Variants in STS observed in about 807,000 individuals in gnomAD.
STS encodes steroid sulfatase, also known as steryl-sulfatase.
STS carries 7 observed loss-of-function variants against 26.8 expected under a neutral mutation model. That is an observed-to-expected ratio of 0.26 (90% confidence interval 0.15 to 0.49). The LOEUF (loss-of-function observed/expected upper bound fraction) is 0.49, where lower values mean the gene tolerates loss of function less well. Among genes scored for constraint, STS ranks in the 20% least tolerant of loss-of-function variants. The pLI is 0.98. For synonymous variants in STS, 199 were observed against 189.4 expected (o/e 1.05, Z -0.42); for missense variants, 434 against 465.6 (o/e 0.93, Z 0.63).
chrX:7,308,889 C>T (rs1926345685), intron 8 of STS, among the ~76,000 whole-genome samples: 1 of 111,871 alleles, frequency 8.9e-6, no homozygotes, highest in Non-Finnish European at 1.9e-5. Context: ...CGAACACATA[C>T]CTGTGGTTTA....
At chrX:7,213,468 C>T (rs1378303008) in intron 2 of STS, among the ~76,000 whole-genome samples, 1 of 111,109 alleles carries the variant, frequency 9.0e-6, no homozygotes, top group Admixed American at 9.6e-5. Flanking sequence ...GTGGGAAAGG[C>T]AGGCAGGAGG....
Position 7,350,313 on chromosome X carries a change from A to T in STS, c.*52A>T. On this transcript the variant is annotated 3_prime_UTR_variant, in exon 11 of 11. Coordinates refer to ENST00000674429, the MANE Select transcript of STS (RefSeq NM_001320752.2). Reference sequence around the variant, plus strand: ...TGTGGCAAAGCTCACCATCTTCACTACAAACACGCCTGAGAGTGGCACTGG... The same window carrying T: ...TGTGGCAAAGCTCACCATCTTCACTTCAAACACGCCTGAGAGTGGCACTGG... The T allele has an allele frequency of 2.6e-6, 3 of 1,176,325 alleles. No homozygotes were observed. Among genetic ancestry groups the T allele is most frequent in the Non-Finnish European group, 3.4e-6 (3 of 877,950 alleles).
intron 1 of STS, among the ~76,000 whole-genome samples, chrX:7,181,046 C>G: frequency 8.9e-6 from 1 of 112,104 alleles, no homozygotes; most frequent in South Asian, 3.8e-4. Context: ...TTTTGGTAGG[C>G]AGGGCCGCTA....
At chrX:7,278,939 G>A (rs1021508367) in intron 7 of STS, among the ~76,000 whole-genome samples, 1 of 111,232 alleles carries the variant, frequency 9.0e-6, no homozygotes, top group East Asian at 2.8e-4. Flanking sequence ...ATACACAAGA[G>A]CCTTCATAAT....
intron 2 of STS, among the ~76,000 whole-genome samples, chrX:7,218,391 T>C (rs1324422168): frequency 1.8e-5 from 2 of 112,474 alleles, no homozygotes; most frequent in African/African-American, 6.5e-5. Context: ...ATCTGAAAAG[T>C]TGGCTTTTTT....
chrX:7,338,337 G>T (rs866362459), intron 10 of STS, among the ~76,000 whole-genome samples: 2 of 111,819 alleles, frequency 1.8e-5, no homozygotes, highest in Non-Finnish European at 3.8e-5. Flanking sequence ...CACATTAATG[G>T]AGAGTCCCCA....
At chrX:7,343,344 G>A (rs1281640068) in intron 10 of STS, among the ~76,000 whole-genome samples, 1 of 111,869 alleles carries the variant, frequency 8.9e-6, no homozygotes, top group Non-Finnish European at 1.9e-5. Context: ...AATGTCTTAC[G>A]ACATGTATTA....
At chrX:7,297,090 C>A (rs755426843) in intron 7 of STS, among the ~76,000 whole-genome samples, 87 of 111,839 alleles carry the variant, frequency 7.8e-4, no homozygotes, top group Non-Finnish European at 1.0e-3. Flanking sequence ...AGTTATGTGT[C>A]AAATTGTCTG....
intron 2 of STS, among the ~76,000 whole-genome samples, chrX:7,221,453 C>A: frequency 8.9e-6 from 1 of 112,147 alleles, no homozygotes; most frequent in Middle Eastern, 4.6e-3. Flanking sequence ...CTAGTTACAA[C>A]TTTTAGATGC....
intron 2 of STS, among the ~76,000 whole-genome samples, chrX:7,242,272 TTTA>T (rs1178470376): frequency 9.0e-6 from 1 of 110,636 alleles, no homozygotes; most frequent in Non-Finnish European, 1.9e-5. Flanking sequence ...TACATAACAT[TTTA>T]TTATTATTAA....
chrX:7,252,161 C>A, intron 2 of STS: 1 of 301,761 alleles, frequency 3.3e-6, no homozygotes, highest in Non-Finnish European at 4.4e-6. Context: ...TCTCCCCAGG[C>A]AGATGAGAAA....
intron 2 of STS, among the ~76,000 whole-genome samples, chrX:7,204,857 G>A (rs1385797405): frequency 1.0e-5 from 1 of 100,456 alleles, no homozygotes; most frequent in East Asian, 3.1e-4. Flanking sequence ...CTTCCTCTTT[G>A]CTTGCCTCCC....
At chrX:7,344,498 C>T (rs1294781809) in intron 10 of STS, among the ~76,000 whole-genome samples, 1 of 111,086 alleles carries the variant, frequency 9.0e-6, no homozygotes, top group East Asian at 2.9e-4. Flanking sequence ...TGTCAGGGAC[C>T]ACCCTGACAG....
intron 2 of STS, among the ~76,000 whole-genome samples, chrX:7,192,493 G>A (rs1415312040): frequency 1.8e-5 from 2 of 110,619 alleles, no homozygotes; most frequent in African/African-American, 6.6e-5. Context: ...GAACCCCGGG[G>A]GCAGAGGTTG....
At chrX:7,277,231 C>T (rs1924584736) in intron 7 of STS, among the ~76,000 whole-genome samples, 1 of 112,171 alleles carries the variant, frequency 8.9e-6, no homozygotes, top group African/African-American at 3.2e-5. Context: ...TTCCAGTACT[C>T]GCCCAGGTTC....
At chrX:7,182,229 T>C in intron 1 of STS, among the ~76,000 whole-genome samples, 1 of 110,956 alleles carries the variant, frequency 9.0e-6, no homozygotes, top group South Asian at 3.7e-4. Context: ...CCAGAAAGAG[T>C]TGGGTCTAGC....
chrX:7,338,601 C>T (rs753634291), intron 10 of STS, among the ~76,000 whole-genome samples: 1 of 111,805 alleles, frequency 8.9e-6, no homozygotes, highest in East Asian at 2.8e-4. Flanking sequence ...AGGATGTAGA[C>T]ATCCTCACAT....
At chrX:7,198,044 A>G (rs1934002407) in intron 2 of STS, among the ~76,000 whole-genome samples, 1 of 111,505 alleles carries the variant, frequency 9.0e-6, no homozygotes, top group African/African-American at 3.3e-5. Context: ...ACTGACACCA[A>G]TATAAAAAAT....
chrX:7,230,710 A>G (rs925787825), intron 2 of STS, among the ~76,000 whole-genome samples: 1 of 110,984 alleles, frequency 9.0e-6, no homozygotes, highest in African/African-American at 3.3e-5. Flanking sequence ...TTACAAAACC[A>G]TGAGATCTCA....
Sources: allele counts gnomAD v4.1 joint callset (sites outside exome capture counted in the v4.1 genomes callset), GRCh38; gene constraint gnomAD v4.1.1; transcripts MANE v1.5; gene names NCBI Gene and HGNC (gene_info 2026-07-23, HGNC 2026-07-21).